BAZ2B: variants seen among roughly 807,000 people sequenced by gnomAD.
BAZ2B encodes bromodomain adjacent to zinc finger domain 2B, also known as bromodomain adjacent to zinc finger domain protein 2B.
In BAZ2B, 91 loss-of-function variants were observed where a neutral mutation model predicts 246.0. That is an observed-to-expected ratio of 0.37 (90% confidence interval 0.31 to 0.44). BAZ2B has a LOEUF of 0.44. Ranked by LOEUF, BAZ2B falls within the 20% of genes least tolerant of loss-of-function variation. The pLI, the probability that BAZ2B is intolerant of heterozygous loss-of-function variation, is 1.00. For missense variants in BAZ2B, 2,332 were observed against 2,533.7 expected (o/e 0.92, Z 1.71); for synonymous variants, 855 against 860.0 (o/e 0.99, Z 0.10).
intron 2 of BAZ2B, among the ~76,000 whole-genome samples, chr2:159,537,601 A>G (rs370915444): frequency 1.2e-4 from 18 of 152,298 alleles, no homozygotes; most frequent in African/African-American, 4.3e-4. Flanking sequence ...CATTCTAGAG[A>G]TACACACAAC....
chr2:159,353,075 A>G lies in BAZ2B; in HGVS notation c.4214-2718T>C, dbSNP rs191048683. 5.6e-4 allele frequency among the ~76,000 whole-genome samples: 86 copies of G among 152,356 alleles called. No homozygotes were observed. In the East Asian group the frequency reaches 0.014, roughly 24 times the overall value. ...ACAGTATTCCTTAGAGAACTTTCCAAAACATGTAACTGTAGCTCATCTGTA... is the reference window on the plus strand; with the variant it reads ...ACAGTATTCCTTAGAGAACTTTCCAGAACATGTAACTGTAGCTCATCTGTA... On this transcript the variant is annotated intron_variant, in intron 27 of 36. Coordinates refer to ENST00000392783, the MANE Select transcript of BAZ2B (RefSeq NM_013450.4).
chr2:159,357,184 A>G (rs1269551716), intron 27 of BAZ2B, among the ~76,000 whole-genome samples: 1 of 152,102 alleles, frequency 6.6e-6, no homozygotes, highest in Admixed American at 6.6e-5. Flanking sequence ...CCTCTGAGCT[A>G]AAGGAGCATG....
At chr2:159,680,355 ACTAC>A in the BAZ2B span, among the ~76,000 whole-genome samples, 1 of 152,248 alleles carries the variant, frequency 6.6e-6, no homozygotes, top group Non-Finnish European at 1.5e-5. Context: ...ATGTCTTCAT[ACTAC>A]CTATTTGTTA....
At chr2:159,406,945 G>A (rs1011644287) in intron 14 of BAZ2B, among the ~76,000 whole-genome samples, 2 of 151,620 alleles carry the variant, frequency 1.3e-5, no homozygotes, top group Non-Finnish European at 1.5e-5. Context: ...TAGTAGAGAC[G>A]GGGTTTCACC....
chr2:159,457,611 C>A (rs2075937798), intron 3 of BAZ2B, among the ~76,000 whole-genome samples: 1 of 152,186 alleles, frequency 6.6e-6, no homozygotes, highest in Non-Finnish European at 1.5e-5. Flanking sequence ...TCCTTGATTC[C>A]ATTTAGGTCA....
At position 159,586,347 on chromosome 2, in the gene BAZ2B, G is replaced by C. The variant is rs1688007006; in HGVS notation, c.-46+29895C>G. 2.6e-5 allele frequency among the ~76,000 whole-genome samples: 4 copies of C among 152,102 alleles called. No homozygotes were observed. The South Asian group carries it at 8.3e-4, about 32-fold the overall frequency. ...TTTGTTTTGATTTTTTGTAGGGAAAGTGCTAGGCTATAGATACAAACCTGC... is the reference window on the plus strand; with the variant it reads ...TTTGTTTTGATTTTTTGTAGGGAAACTGCTAGGCTATAGATACAAACCTGC... On this transcript the variant is annotated intron_variant, in intron 1 of 36. Transcript: ENST00000392783.
chr2:159,404,693 A>T (rs1041145004), intron 16 of BAZ2B, 156 bp downstream of exon 16: 6 of 624,136 alleles, frequency 9.6e-6, no homozygotes, highest in Non-Finnish European at 1.5e-5. Context: ...TTAAAAAGGT[A>T]AAATTTTAAT....
intron 2 of BAZ2B, among the ~76,000 whole-genome samples, chr2:159,528,957 G>C (rs1165856124): frequency 8.1e-6 from 1 of 122,826 alleles, no homozygotes; most frequent in East Asian, 2.5e-4. Context: ...ACCAGGGCCT[G>C]TTGTGGGGGG....
At chr2:159,617,544 T>C (rs1432037968), upstream of BAZ2B, among the ~76,000 whole-genome samples, 1 of 152,178 alleles carries the variant, frequency 6.6e-6, no homozygotes, top group East Asian at 1.9e-4. Context: ...AAAGTTCATA[T>C]AATTAAAAAT....
chr2:159,526,821 G>A (rs2084796847), intron 2 of BAZ2B, among the ~76,000 whole-genome samples: 1 of 152,056 alleles, frequency 6.6e-6, no homozygotes, highest in Admixed American at 6.5e-5. Flanking sequence ...ATATGGGTAG[G>A]GAGGTAGAAG....
At chr2:159,452,163 A>T (rs937460439) in intron 4 of BAZ2B, among the ~76,000 whole-genome samples, 5 of 151,932 alleles carry the variant, frequency 3.3e-5, no homozygotes, top group South Asian at 4.2e-4. Flanking sequence ...CAGACAACTG[A>T]ATTAAAGAAG....
intron 7 of BAZ2B, 136 bp from the exon 8 acceptor site, chr2:159,438,831 T>C: frequency 7.8e-7 from 1 of 1,281,648 alleles, no homozygotes; most frequent in Non-Finnish European, 1.1e-6. Flanking sequence ...AATCTAAAAA[T>C]TCGTAAAAGA....
the BAZ2B span, among the ~76,000 whole-genome samples, chr2:159,678,840 C>G: frequency 6.6e-6 from 1 of 152,182 alleles, no homozygotes; most frequent in Non-Finnish European, 1.5e-5. Flanking sequence ...TTCACAATCC[C>G]TAACCCCTGA....
chr2:159,643,840 C>T, the BAZ2B span, among the ~76,000 whole-genome samples: 1 of 141,380 alleles, frequency 7.1e-6, no homozygotes, highest in African/African-American at 2.7e-5. Context: ...TGTGTCATTG[C>T]ACTCCAGCCT....
chr2:159,634,776 G>C, the BAZ2B span, among the ~76,000 whole-genome samples: 4 of 152,166 alleles, frequency 2.6e-5, no homozygotes, highest in African/African-American at 9.7e-5. Flanking sequence ...TGTTTTACCA[G>C]TAATGTTTAC....
intron 13 of BAZ2B, among the ~76,000 whole-genome samples, chr2:159,422,996 A>G (rs567823081): frequency 6.6e-6 from 1 of 152,296 alleles, no homozygotes; most frequent in Admixed American, 6.5e-5. Flanking sequence ...ACAATGAAAT[A>G]CTATCTCATT....
At chr2:159,565,734 G>C (rs1258124960) in intron 1 of BAZ2B, among the ~76,000 whole-genome samples, 1 of 147,036 alleles carries the variant, frequency 6.8e-6, no homozygotes. Context: ...CTGAGATTGT[G>C]CCACTGCATT....
the BAZ2B span, among the ~76,000 whole-genome samples, chr2:159,673,925 G>C: frequency 6.6e-6 from 1 of 152,124 alleles, no homozygotes; most frequent in Non-Finnish European, 1.5e-5. Context: ...ATCTAAAGAA[G>C]ATGAGTGAAA....
downstream of BAZ2B, chr2:159,318,947 T>C (rs2148698588): frequency 6.6e-6 from 1 of 152,624 alleles, no homozygotes; most frequent in African/African-American, 2.4e-5. Flanking sequence ...AAAAAGAATA[T>C]ATTTTCAGGT....
Sources: allele counts gnomAD v4.1 joint callset (sites outside exome capture counted in the v4.1 genomes callset), GRCh38; gene constraint gnomAD v4.1.1; transcripts MANE v1.5; gene names NCBI Gene and HGNC (gene_info 2026-07-23, HGNC 2026-07-21).